The following TRAK1 variants were observed in gnomAD, a reference collection of about 807,000 sequenced individuals.
TRAK1 encodes trafficking kinesin protein 1.
A neutral mutation model predicts 92.1 loss-of-function variants in TRAK1; 33 were observed. The ratio of observed to expected loss-of-function variants is 0.36; its 90% confidence interval spans 0.27 to 0.48. The LOEUF (loss-of-function observed/expected upper bound fraction) is 0.48, where lower values mean the gene tolerates loss of function less well. Among genes scored for constraint, TRAK1 ranks in the 20% least tolerant of loss-of-function variants. The pLI is 0.99. For synonymous variants in TRAK1, 521 were observed against 517.3 expected, an observed-to-expected ratio of 1.01 and a Z score of -0.10; for missense variants, 1,123 against 1,257.9, an observed-to-expected ratio of 0.89 and a Z score of 1.62.
In TRAK1 at chr3:42,079,472, T is replaced by TTG. The variant is rs1353986254; in HGVS notation, c.-518-7631_-518-7630insGT. Among the ~76,000 whole-genome samples, 754 of 88,060 alleles carry TTG rather than the reference T, an allele frequency of 8.6e-3. 6 individuals are homozygous for TTG. The highest frequency in any genetic ancestry group is 0.014 in the Middle Eastern group (2 of 148). The allele number at this position is 88,060 out of a possible 152,430, so 57.8% of individuals were successfully genotyped here. A position where few individuals can be genotyped will look rare whatever the true frequency, so the allele number is the denominator to read the frequency against. ...CTGAGTTTGTCGTGAAGGAAGCTCC[T>TTG]TCTTCTTTTTTTTTTTTTTTTGTTT... On this transcript the variant is annotated intron_variant, in intron 1 of 16. Coordinates refer to the TRAK1 transcript ENST00000487159.
chr3:42,023,709 G>T (rs1392391953), intron 1 of TRAK1, among the ~76,000 whole-genome samples: 1 of 126,762 alleles, frequency 7.9e-6, no homozygotes, highest in Non-Finnish European at 1.6e-5. Flanking sequence ...GGAGGGTCTT[G>T]TTTTGAATGT....
chr3:42,203,728 C>T (rs752804189), intron 13 of TRAK1: 1 of 982,740 alleles, frequency 1.0e-6, no homozygotes, highest in Non-Finnish European at 1.2e-6. Flanking sequence ...AATTATTGTC[C>T]CCTCTAAGGA....
chr3:42,153,568 C>T lies in TRAK1; in HGVS notation c.287-23246C>T, dbSNP rs180971840. On this transcript the variant is annotated intron_variant, in intron 2 of 15. Transcript: ENST00000327628. ...GGGGTAGGAGGTGGTCTAGTTCATA[C>T]TGATTTCACAAATGAAGAAACTCGG... is the stretch of plus-strand genomic sequence containing the variant. Among the ~76,000 whole-genome samples, 16 of 152,220 alleles carry T rather than the reference C, an allele frequency of 1.1e-4. No individual in the cohort carries two copies. In the East Asian group the frequency reaches 3.1e-3, roughly 29 times the overall value.
chr3:42,174,086 A>G (rs1702892926), intron 2 of TRAK1, among the ~76,000 whole-genome samples: 1 of 152,298 alleles, frequency 6.6e-6, no homozygotes, highest in Admixed American at 6.5e-5. Flanking sequence ...CACTGTGCTT[A>G]GTAAAGGTCA....
At chr3:42,033,756 C>T (rs942224209) in intron 1 of TRAK1, among the ~76,000 whole-genome samples, 1 of 152,122 alleles carries the variant, frequency 6.6e-6, no homozygotes, top group African/African-American at 2.4e-5. Flanking sequence ...AAGATGCATT[C>T]GGTGAAGGAG....
rs896663808 is a variant in TRAK1 at position 42,019,047 on chromosome 3, G to A, written c.-519+4930G>A. 9.2e-5 allele frequency among the ~76,000 whole-genome samples: 14 copies of A among 152,040 alleles called. No individual in the cohort carries two copies. The South Asian group carries it at 1.4e-3, about 16-fold the overall frequency. ...TGAGGAAGGAGAATGGCTTGAACCC[G>A]GGAAGTGGAGGTTGCATTGAGCCAA... On this transcript the variant is annotated intron_variant, in intron 1 of 16. Transcript: ENST00000487159.
chr3:42,078,874 G>C (rs949887948), intron 1 of TRAK1, among the ~76,000 whole-genome samples: 6 of 152,154 alleles, frequency 3.9e-5, no homozygotes, highest in Admixed American at 1.3e-4. Flanking sequence ...ATGTGGGTGG[G>C]AGCCACTTGC....
intron 2 of TRAK1, among the ~76,000 whole-genome samples, chr3:42,166,693 G>A (rs558952729): frequency 9.8e-5 from 15 of 152,338 alleles, no homozygotes; most frequent in African/African-American, 3.6e-4. Context: ...TTGTATTGGT[G>A]TCCTGCTCTT....
At position 42,219,595 on chromosome 3, in the gene TRAK1, A is replaced by G; in HGVS notation, c.2065A>G (p.Ser689Gly). Reference sequence around the variant, plus strand: ...AGATGAGCTCACTCGGGTCACACCAAGGTAAGGGACCCTGGCTTTGGGGTG... The same window carrying G: ...AGATGAGCTCACTCGGGTCACACCAGGGTAAGGGACCCTGGCTTTGGGGTG... ...PSDELTRVTP[S>G]LNSAPTPACG... Residue 689 changes from serine to glycine, a missense_variant and splice_region_variant, in exon 15 of 16, where the codon AGC becomes GGC. Ser to Gly is a moderately conservative substitution (Grantham distance 56, BLOSUM62 0). Around this residue, in one of 3 missense-constraint regions of TRAK1, gnomAD observed 401 missense variants for 438.9 expected, o/e 0.91. Coordinates refer to ENST00000327628, the MANE Select transcript of TRAK1 (RefSeq NM_001042646.3). 8.1e-7 allele frequency: 1 copy of G among 1,235,850 alleles called. No individual in the cohort carries two copies. Among genetic ancestry groups the G allele is most frequent in the Non-Finnish European group, 1.1e-6 (1 of 899,688 alleles). The allele number at this position is 1,235,850 out of a possible 1,614,324, so 76.6% of individuals were successfully genotyped here. A position where few individuals can be genotyped will look rare whatever the true frequency, so the allele number is the denominator to read the frequency against.
At chr3:42,070,296 T>C (rs1192795105) in intron 1 of TRAK1, among the ~76,000 whole-genome samples, 2 of 148,532 alleles carry the variant, frequency 1.3e-5, no homozygotes, top group Non-Finnish European at 3.0e-5. Context: ...ATTATATTAA[T>C]TATAAATAAT....
chr3:42,111,916 CT>C (rs200985476), intron 1 of TRAK1, among the ~76,000 whole-genome samples: 275 of 136,076 alleles, frequency 2.0e-3, no homozygotes, highest in South Asian at 2.8e-3. Context: ...CTGACATCTT[CT>C]TTTTTTTTTT....
Position 42,142,882 on chromosome 3 carries a change from G to A in TRAK1, c.286+17268G>A, listed in dbSNP as rs574232290. Reference sequence around the variant, plus strand: ...ATTGTCACAACACAGTGCATGGTACGTGCATGGTAGTCCTTTTAAGATGGC... The same window carrying A: ...ATTGTCACAACACAGTGCATGGTACATGCATGGTAGTCCTTTTAAGATGGC... On this transcript the variant is annotated intron_variant, in intron 2 of 15. Coordinates refer to ENST00000327628, the MANE Select transcript of TRAK1 (RefSeq NM_001042646.3). Among the ~76,000 whole-genome samples the A allele has an allele frequency of 2.6e-3, 403 of 152,228 alleles. 1 individual carries two copies. The highest frequency in any genetic ancestry group is 4.9e-3 in the Non-Finnish European group (332 of 68,016).
At chr3:42,033,124 C>T (rs537791940) in intron 1 of TRAK1, among the ~76,000 whole-genome samples, 6 of 152,152 alleles carry the variant, frequency 3.9e-5, no homozygotes, top group South Asian at 2.1e-4. Flanking sequence ...GTAATTACCG[C>T]GGCCTCCCAT....
chr3:42,106,578 G>A (rs1707600945), intron 1 of TRAK1, among the ~76,000 whole-genome samples: 1 of 152,122 alleles, frequency 6.6e-6, no homozygotes, highest in Non-Finnish European at 1.5e-5. Context: ...GGAGTCTTGT[G>A]TATAGTGACT....
intron 5 of TRAK1, among the ~76,000 whole-genome samples, chr3:42,188,429 C>G (rs1174073881): frequency 1.3e-5 from 2 of 152,206 alleles, no homozygotes; most frequent in Non-Finnish European, 2.9e-5. Context: ...GGGTTAGGCT[C>G]TGCTGTTGGA....
chr3:42,150,768 A>T (rs560807919), intron 2 of TRAK1, among the ~76,000 whole-genome samples: 1 of 152,218 alleles, frequency 6.6e-6, no homozygotes, highest in Non-Finnish European at 1.5e-5. Flanking sequence ...TGCCAGTTCA[A>T]TCTCACTGGC....
intron 1 of TRAK1, among the ~76,000 whole-genome samples, chr3:42,018,435 C>T (rs187471668): frequency 1.6e-4 from 24 of 152,282 alleles, no homozygotes; most frequent in Admixed American, 1.4e-3. Context: ...GGACATTCAA[C>T]AGGAGAGGAT....
At chr3:42,184,281 C>T (rs543765887) in intron 3 of TRAK1, among the ~76,000 whole-genome samples, 17 of 152,346 alleles carry the variant, frequency 1.1e-4, no homozygotes, top group African/African-American at 4.1e-4. Context: ...TTCATTCATT[C>T]ACTTAACAAA....
chr3:42,172,789 G>A (rs1244365895), intron 2 of TRAK1, among the ~76,000 whole-genome samples: 1 of 152,134 alleles, frequency 6.6e-6, no homozygotes, highest in Non-Finnish European at 1.5e-5. Context: ...TACTATGGTG[G>A]GTAGGCAGCA....
Sources: allele counts gnomAD v4.1 joint callset (sites outside exome capture counted in the v4.1 genomes callset), GRCh38; gene constraint gnomAD v4.1.1; regional missense constraint gnomAD v4.1.1; transcripts MANE v1.5; gene names NCBI Gene and HGNC (gene_info 2026-07-23, HGNC 2026-07-21).